Variants in WDR64 observed in about 807,000 individuals in gnomAD.
WDR64 encodes the protein WD repeat domain 64, also known as WD repeat-containing protein 64.
Under a neutral mutation model 139.3 loss-of-function variants are expected in WDR64, and 112 were observed. That is an observed-to-expected ratio of 0.80 (90% confidence interval 0.69 to 0.94). WDR64 has a LOEUF of 0.94. WDR64 is among the 40% of genes least tolerant of loss of function. WDR64 has a pLI of 0.00. For missense variants in WDR64, 1,206 were observed against 1,293.1 expected (o/e 0.93, Z 1.03); for synonymous variants, 444 against 437.7 (o/e 1.01, Z -0.18).
chr1:241,726,110 T>C (rs1574045479), intron 10 of WDR64, among the ~76,000 whole-genome samples: 1 of 152,074 alleles, frequency 6.6e-6, no homozygotes, highest in Non-Finnish European at 1.5e-5. Context: ...GGGGTCTTGC[T>C]ATGTTGCCCG....
At chr1:241,711,668 T>A in intron 8 of WDR64, 134 bp from the exon 9 acceptor site, 1 of 779,184 alleles carries the variant, frequency 1.3e-6, no homozygotes, top group Non-Finnish European at 2.1e-6. Flanking sequence ...AATCATTACT[T>A]GTAATACGGC....
rs117532414 is a variant in WDR64, at chr1:241,686,527, T to C, written c.840-934T>C. On this transcript the variant is annotated intron_variant, in intron 7 of 27. Transcript: ENST00000437684. ...TTTTACCTTAATCATCCTTGTGTCCTTAGTACCTGGGATGCAGTAGGTGTT... is the reference window on the plus strand; with the variant it reads ...TTTTACCTTAATCATCCTTGTGTCCCTAGTACCTGGGATGCAGTAGGTGTT... 1.8e-4 allele frequency among the ~76,000 whole-genome samples: 28 copies of C among 152,324 alleles called. No homozygotes were observed. In the East Asian group the frequency reaches 5.0e-3, roughly 27 times the overall value.
chr1:241,697,920 T>C (rs543458205), intron 8 of WDR64, among the ~76,000 whole-genome samples: 2 of 152,322 alleles, frequency 1.3e-5, no homozygotes, highest in Non-Finnish European at 2.9e-5. Flanking sequence ...TGGTTCTTTT[T>C]TCTTGTGATT....
At chr1:241,659,089 G>A (rs968672444) in intron 1 of WDR64, among the ~76,000 whole-genome samples, 1 of 152,182 alleles carries the variant, frequency 6.6e-6, no homozygotes, top group South Asian at 2.1e-4. Flanking sequence ...GCCCCACTGG[G>A]TGTTTTTAGC....
rs1474939592 is a variant in WDR64 at position 241,801,890 on chromosome 1, T to G, written c.*675T>G. 2.5e-6 allele frequency: 1 copy of G among 398,136 alleles called. No individual in the cohort carries two copies. Among genetic ancestry groups the G allele is most frequent in the East Asian group, 3.6e-5 (1 of 27,948 alleles). The allele number at this position is 398,136 out of a possible 1,614,324, so 24.7% of individuals were successfully genotyped here. The stretch of plus-strand genomic sequence containing the variant: ...ATGAAACCTTTAATAGGTTAAAGTA[T>G]GCAAGTTTAAAAGGTTGTCAGAATG... On this transcript the variant is annotated 3_prime_UTR_variant, in exon 28 of 28. Transcript: ENST00000437684.
intron 2 of WDR64, among the ~76,000 whole-genome samples, chr1:241,666,578 T>C (rs1479166325): frequency 6.6e-6 from 1 of 152,204 alleles, no homozygotes; most frequent in Non-Finnish European, 1.5e-5. Context: ...CTAAAATGCA[T>C]AGCTGATGTG....
chr1:241,662,049 G>T (rs529904278), intron 2 of WDR64, among the ~76,000 whole-genome samples: 5 of 152,106 alleles, frequency 3.3e-5, no homozygotes, highest in African/African-American at 1.2e-4. Context: ...AGTAAAAAAA[G>T]ATGTCTAATA....
At chr1:241,702,763 A>C (rs1197171334) in intron 8 of WDR64, among the ~76,000 whole-genome samples, 1 of 152,214 alleles carries the variant, frequency 6.6e-6, no homozygotes, top group Admixed American at 6.5e-5. Flanking sequence ...ATGACCCATA[A>C]AATTGATATG....
chr1:241,787,665 C>CAA (rs58063137), intron 23 of WDR64, among the ~76,000 whole-genome samples, 184 bp from the exon 24 acceptor site: 20,262 of 116,286 alleles, frequency 0.17, 1,778 homozygotes, highest in African/African-American at 0.22. Flanking sequence ...AACTCCATCT[C>CAA]AAAAAAAAAA....
chr1:241,689,753 CAG>C (rs1667142853), intron 8 of WDR64, among the ~76,000 whole-genome samples: 1 of 152,024 alleles, frequency 6.6e-6, no homozygotes, highest in African/African-American at 2.4e-5. Context: ...GCATTGTAAA[CAG>C]AGAGATGAAA....
chr1:241,752,848 C>G (rs1670030603), intron 14 of WDR64, among the ~76,000 whole-genome samples: 1 of 152,140 alleles, frequency 6.6e-6, no homozygotes, highest in Non-Finnish European at 1.5e-5. Context: ...AAGACTCTGT[C>G]TCAAAAAGAC....
chr1:241,789,831 T>A (rs1558526238), intron 24 of WDR64, among the ~76,000 whole-genome samples: 1 of 152,250 alleles, frequency 6.6e-6, no homozygotes, highest in Middle Eastern at 3.4e-3. Flanking sequence ...CAAACCCCCA[T>A]GACACAAGTT....
chr1:241,690,224 G>T (rs1667162065), intron 8 of WDR64, among the ~76,000 whole-genome samples: 1 of 152,174 alleles, frequency 6.6e-6, no homozygotes, highest in Non-Finnish European at 1.5e-5. Flanking sequence ...TGTAATCCCA[G>T]GACTTTGGGA....
intron 7 of WDR64, 75 bp downstream of exon 7, chr1:241,683,776 T>A: frequency 3.4e-6 from 4 of 1,184,218 alleles, no homozygotes; most frequent in South Asian, 2.0e-5. Context: ...TGGTACAAAG[T>A]GAAAAATGAG....
chr1:241,767,723 T>C (rs917026205), intron 16 of WDR64, among the ~76,000 whole-genome samples: 3 of 152,158 alleles, frequency 2.0e-5, no homozygotes, highest in African/African-American at 7.2e-5. Flanking sequence ...GAGTCATTTC[T>C]TTTAGCCAGT....
At chr1:241,749,786 TG>T in intron 14 of WDR64, 64 bp downstream of exon 14, 2 of 1,553,704 alleles carry the variant, frequency 1.3e-6, no homozygotes, top group Non-Finnish European at 1.8e-6. Context: ...AATGAGTCAG[TG>T]GATAATCCCC....
At chr1:241,800,183 G>C (rs1356871114) in intron 27 of WDR64, among the ~76,000 whole-genome samples, 1 of 152,156 alleles carries the variant, frequency 6.6e-6, no homozygotes, top group Non-Finnish European at 1.5e-5. Context: ...GTTGATCCAG[G>C]GAGCTAAGCC....
At chr1:241,748,055 T>C (rs1669830907) in intron 13 of WDR64, among the ~76,000 whole-genome samples, 1 of 152,114 alleles carries the variant, frequency 6.6e-6, no homozygotes, top group Non-Finnish European at 1.5e-5. Context: ...GGTGCAGATG[T>C]TGGGGAGAGG....
At chr1:241,750,598 T>C (rs964652520) in intron 14 of WDR64, among the ~76,000 whole-genome samples, 5 of 152,246 alleles carry the variant, frequency 3.3e-5, no homozygotes, top group African/African-American at 1.2e-4. Flanking sequence ...TTCATCAGGA[T>C]GCCCTTCCTA....
Sources: allele counts gnomAD v4.1 joint callset (sites outside exome capture counted in the v4.1 genomes callset), GRCh38; gene constraint gnomAD v4.1.1; transcripts MANE v1.5; gene names NCBI Gene and HGNC (gene_info 2026-07-23, HGNC 2026-07-21).